The following TPO variants were observed in gnomAD, a reference collection of about 807,000 sequenced individuals.
TPO encodes the protein thyroid peroxidase, also known as thyroid microsomal antigen.
Under a neutral mutation model 96.9 loss-of-function variants are expected in TPO, and 78 were observed. The observed-to-expected ratio is 0.81, with a 90% CI of 0.67 to 0.97. The LOEUF (loss-of-function observed/expected upper bound fraction) is 0.97. TPO is among the 50% of genes least tolerant of loss of function. The probability of loss-of-function intolerance (pLI) is 0.00; values close to 1 mark genes in which losing one functional copy is unlikely to be tolerated. For missense variants in TPO, 1,252 were observed against 1,274.8 expected, an observed-to-expected ratio of 0.98 and a Z score of 0.27; for synonymous variants, 547 against 538.0, an observed-to-expected ratio of 1.02 and a Z score of -0.23.
intron 1 of TPO, among the ~76,000 whole-genome samples, chr2:1,375,448 G>T (rs1450202633): frequency 6.6e-6 from 1 of 152,040 alleles, no homozygotes; most frequent in African/African-American, 2.4e-5. Context: ...TCCAAAGAGG[G>T]TTTTGGGAAC....
Position 1,540,579 on chromosome 2 carries a change from A to T in TPO, c.2619-15A>T. 4 of 1,612,700 alleles carry T rather than the reference A, an allele frequency of 2.5e-6. No individual in the cohort carries two copies. The highest frequency in any genetic ancestry group is 3.4e-6 in the Non-Finnish European group (4 of 1,179,998). On this transcript the variant is annotated splice_polypyrimidine_tract_variant and intron_variant, in intron 15 of 16. Coordinates refer to ENST00000329066, the MANE Select transcript of TPO (RefSeq NM_001206744.2). ...CCGGACCCTCTCCCGATAACTGGAC[A>T]CGTGTCTCCCACAGGACACGCACTG...
At chr2:1,428,633 C>A (rs1664670189) in intron 3 of TPO, among the ~76,000 whole-genome samples, 1 of 152,162 alleles carries the variant, frequency 6.6e-6, no homozygotes, top group Admixed American at 6.6e-5. Flanking sequence ...CAGGTGAGCC[C>A]TCGAGTGGGT....
intron 15 of TPO, among the ~76,000 whole-genome samples, chr2:1,537,830 C>G (rs1187644107): frequency 5.7e-5 from 5 of 87,890 alleles, no homozygotes; most frequent in South Asian, 5.3e-4. Flanking sequence ...TGTGAGCAAC[C>G]TCCTCAAATC....
At chr2:1,415,097 C>G (rs985488015) in intron 2 of TPO, among the ~76,000 whole-genome samples, 25 of 151,324 alleles carry the variant, frequency 1.7e-4, no homozygotes, top group South Asian at 1.3e-3. Context: ...CCCGGGGCCC[C>G]TGGAGCAGGT....
intron 9 of TPO, among the ~76,000 whole-genome samples, chr2:1,485,239 GT>G (rs949472349): frequency 2.0e-4 from 30 of 152,040 alleles, no homozygotes; most frequent in African/African-American, 6.3e-4. Flanking sequence ...TGAACTCATC[GT>G]TTTTTTATGG....
chr2:1,440,614 G>A (rs1365119837), intron 5 of TPO, among the ~76,000 whole-genome samples: 5 of 152,136 alleles, frequency 3.3e-5, no homozygotes, highest in African/African-American at 1.2e-4. Flanking sequence ...GTATGAAGTG[G>A]TCAGTGCCAC....
intron 2 of TPO, among the ~76,000 whole-genome samples, chr2:1,422,337 C>G (rs945851871): frequency 0.029 from 2,371 of 82,388 alleles, 62 homozygotes; most frequent in Admixed American, 0.045. Flanking sequence ...AGGCGCCTCT[C>G]CTGGACCGAC....
intron 15 of TPO, among the ~76,000 whole-genome samples, chr2:1,533,828 G>A (rs563781922): frequency 4.9e-5 from 3 of 61,328 alleles, no homozygotes; most frequent in African/African-American, 1.9e-4. Context: ...CCCACTGTGT[G>A]CATTCTCCTC....
At chr2:1,394,976 T>C (rs1170790362) in intron 1 of TPO, among the ~76,000 whole-genome samples, 1 of 152,088 alleles carries the variant, frequency 6.6e-6, no homozygotes, top group African/African-American at 2.4e-5. Flanking sequence ...GCACACCATA[T>C]GTTGGATTTT....
At chr2:1,434,283 T>A (rs1446947305) in intron 4 of TPO, among the ~76,000 whole-genome samples, 1 of 152,216 alleles carries the variant, frequency 6.6e-6, no homozygotes, top group Non-Finnish European at 1.5e-5. Flanking sequence ...TTATCAAGAA[T>A]TTTTTCTCTG....
At chr2:1,470,421 G>A (rs1242612613) in intron 7 of TPO, among the ~76,000 whole-genome samples, 4 of 151,652 alleles carry the variant, frequency 2.6e-5, no homozygotes, top group South Asian at 2.1e-4. Flanking sequence ...TTTTGTTTAC[G>A]GTGCCATTAT....
intron 13 of TPO, among the ~76,000 whole-genome samples, chr2:1,503,493 A>G (rs894921123): frequency 1.3e-5 from 2 of 151,952 alleles, no homozygotes; most frequent in Non-Finnish European, 2.9e-5. Context: ...GCAGGAGGGG[A>G]CCCCACATCC....
chr2:1,521,181 T>G (rs62107992), intron 15 of TPO, among the ~76,000 whole-genome samples: 1 of 152,084 alleles, frequency 6.6e-6, no homozygotes, highest in East Asian at 1.9e-4. Flanking sequence ...TGCATTAATT[T>G]CCAGCAAATC....
chr2:1,464,406 A>G (rs951788047), intron 7 of TPO, among the ~76,000 whole-genome samples: 3 of 152,214 alleles, frequency 2.0e-5, no homozygotes, highest in African/African-American at 7.2e-5. Flanking sequence ...TCCTCTGGGT[A>G]GATACCCAGG....
chr2:1,503,757 A>T, intron 13 of TPO, 191 bp from the exon 14 acceptor site: 2 of 1,039,390 alleles, frequency 1.9e-6, no homozygotes, highest in East Asian at 5.2e-5. Flanking sequence ...GCCAGCGCAC[A>T]TCTGTCTGCT....
rs538452801 is a variant in TPO at position 1,391,430 on chromosome 2, G to A, written n.180+17028G>A. On this transcript the variant is annotated intron_variant and non_coding_transcript_variant, in intron 1 of 5. Transcript: ENST00000497517. ...TTGGTTACTGTAGCCTCATAGTATC[G>A]TTTGAAGTCAGGTAGCGTGATGCCT... Among the ~76,000 whole-genome samples, 15 of 152,248 alleles carry A rather than the reference G, an allele frequency of 9.9e-5. No homozygotes were observed. In the East Asian group the frequency reaches 1.5e-3, roughly 16 times the overall value.
intron 1 of TPO, among the ~76,000 whole-genome samples, chr2:1,387,128 T>C (rs1661912448): frequency 6.6e-6 from 1 of 152,228 alleles, no homozygotes; most frequent in African/African-American, 2.4e-5. Flanking sequence ...GACCTTTCTC[T>C]CTGGCTGCCC....
Position 1,439,738 on chromosome 2 carries a change from A to G in TPO, c.482+3354A>G, listed in dbSNP as rs544481093. Among the ~76,000 whole-genome samples, 6 of 151,844 alleles carry G rather than the reference A, an allele frequency of 4.0e-5. No homozygotes were observed. In the South Asian group the frequency reaches 1.3e-3, roughly 32 times the overall value. ...CCTCACCATGTTGCTGAGTAATGTC[A>G]CCAGACATGGAGACCCTCTGATGCC... is the stretch of plus-strand genomic sequence containing the variant. On this transcript the variant is annotated intron_variant, in intron 5 of 16. Coordinates refer to ENST00000329066, the MANE Select transcript of TPO (RefSeq NM_001206744.2).
chr2:1,531,055 CCCACTATGTGCAACCTCCT>C (rs1228970336), intron 15 of TPO, among the ~76,000 whole-genome samples: 1 of 104,068 alleles, frequency 9.6e-6, no homozygotes, highest in Non-Finnish European at 1.9e-5. Context: ...CCCAAATACC[CCCACTATGTGCAACCTCCT>C]CAAATCCCCC....
Sources: gnomAD v4.1 joint callset for allele counts (sites outside exome capture counted in the v4.1 genomes callset) on GRCh38, gnomAD v4.1.1 for gene constraint, MANE v1.5 for transcripts, NCBI Gene and HGNC (gene_info 2026-07-23, HGNC 2026-07-21) for gene names.